The following TMEM108 variants were observed in gnomAD, a reference collection of about 807,000 sequenced individuals.
TMEM108 encodes the protein cancer/testis antigen 124.
In TMEM108, 12 loss-of-function variants were observed where a neutral mutation model predicts 35.1. That is an observed-to-expected ratio of 0.34 (90% confidence interval 0.22 to 0.55). The LOEUF is 0.55. TMEM108 is among the 20% of genes least tolerant of loss of function. The probability of loss-of-function intolerance (pLI) is 0.89; values close to 1 mark genes in which losing one functional copy is unlikely to be tolerated. For synonymous variants in TMEM108, 287 were observed against 308.6 expected (o/e 0.93, Z 0.73); for missense variants, 680 against 753.3 (o/e 0.90, Z 1.14).
At chr3:133,350,943 G>C (rs2071978114) in intron 3 of TMEM108, among the ~76,000 whole-genome samples, 1 of 152,154 alleles carries the variant, frequency 6.6e-6, no homozygotes, top group South Asian at 2.1e-4. Flanking sequence ...ATATGACATT[G>C]ACATCCAGGA....
At chr3:133,090,447 C>T (rs1451069631) in intron 2 of TMEM108, among the ~76,000 whole-genome samples, 1 of 152,238 alleles carries the variant, frequency 6.6e-6, no homozygotes, top group Non-Finnish European at 1.5e-5. Context: ...GGGCGTGAGG[C>T]CCTTGTATCT....
intron 2 of TMEM108, among the ~76,000 whole-genome samples, chr3:133,059,229 T>C (rs1409290937): frequency 6.6e-6 from 1 of 152,254 alleles, no homozygotes; most frequent in Non-Finnish European, 1.5e-5. Context: ...TTTCAACATA[T>C]GAATTTTGGG....
intron 2 of TMEM108, among the ~76,000 whole-genome samples, chr3:133,109,252 G>C (rs1304451359): frequency 1.3e-5 from 2 of 152,028 alleles, no homozygotes; most frequent in Non-Finnish European, 2.9e-5. Flanking sequence ...AATGAGGAAG[G>C]GTTGCAATAG....
chr3:133,366,758 G>A (rs77332481), intron 3 of TMEM108, among the ~76,000 whole-genome samples: 153 of 152,282 alleles, frequency 1.0e-3, no homozygotes, highest in Middle Eastern at 3.4e-3. Context: ...GTTAAGATTT[G>A]TCCTTTTCTA....
At chr3:133,265,660 G>T (rs748165344) in intron 3 of TMEM108, among the ~76,000 whole-genome samples, 3 of 152,170 alleles carry the variant, frequency 2.0e-5, no homozygotes, top group Non-Finnish European at 4.4e-5. Flanking sequence ...GGTGTCTGCT[G>T]TTGGGCTTTT....
At chr3:133,149,660 C>T (rs1173345909) in intron 2 of TMEM108, among the ~76,000 whole-genome samples, 1 of 152,042 alleles carries the variant, frequency 6.6e-6, no homozygotes, top group Non-Finnish European at 1.5e-5. Context: ...TATGTTTCAG[C>T]GAATGGCAGA....
intron 2 of TMEM108, among the ~76,000 whole-genome samples, chr3:133,167,453 G>A (rs1945058476): frequency 6.6e-6 from 1 of 152,278 alleles, no homozygotes; most frequent in Non-Finnish European, 1.5e-5. Context: ...AGGGGGTGGT[G>A]CCCGTCAGGG....
chr3:133,154,576 C>T (rs1944849848), intron 2 of TMEM108, among the ~76,000 whole-genome samples: 1 of 152,056 alleles, frequency 6.6e-6, no homozygotes. Flanking sequence ...ATGGATGAAG[C>T]TGGAAACCAT....
At chr3:133,237,670 C>T (rs1472719761) in intron 3 of TMEM108, among the ~76,000 whole-genome samples, 1 of 152,048 alleles carries the variant, frequency 6.6e-6, no homozygotes, top group Non-Finnish European at 1.5e-5. Flanking sequence ...TGTACTTCAA[C>T]CAAAATAACA....
At chr3:133,063,382 A>G (rs73003661) in intron 2 of TMEM108, among the ~76,000 whole-genome samples, 3,523 of 152,248 alleles carry the variant, frequency 0.023, 111 homozygotes, top group African/African-American at 0.072. Context: ...AAGGAGGGAC[A>G]GTGGTATAGA....
intron 3 of TMEM108, among the ~76,000 whole-genome samples, chr3:133,290,972 G>T (rs1280253036): frequency 6.6e-6 from 1 of 152,156 alleles, no homozygotes; most frequent in South Asian, 2.1e-4. Flanking sequence ...AAAATGGTGA[G>T]ATGTTTTAAA....
rs186758067 is a variant in TMEM108, at chr3:133,091,105, G to A, written c.-47+45085G>A. The stretch of plus-strand genomic sequence containing the variant: ...GTAATTCCTGTAGAAGTACATGAGA[G>A]TATCTATTTCAATGTAGTCTACTGA... On this transcript the variant is annotated intron_variant, in intron 2 of 5. Coordinates refer to ENST00000321871, the MANE Select transcript of TMEM108 (RefSeq NM_023943.4). Among the ~76,000 whole-genome samples, 933 of 152,206 alleles carry A rather than the reference G, an allele frequency of 6.1e-3. 5 individuals are homozygous for A. The highest frequency in any genetic ancestry group is 8.4e-3 in the Non-Finnish European group (570 of 67,986).
chr3:133,375,352 C>A (rs1325557611), intron 3 of TMEM108, among the ~76,000 whole-genome samples: 3 of 152,202 alleles, frequency 2.0e-5, no homozygotes, highest in African/African-American at 7.2e-5. Context: ...GATTCCACCC[C>A]ACAACAATTG....
intron 3 of TMEM108, among the ~76,000 whole-genome samples, chr3:133,308,479 A>G (rs1576446733): frequency 1.3e-5 from 2 of 152,142 alleles, no homozygotes; most frequent in Non-Finnish European, 2.9e-5. Flanking sequence ...CCCATTCAGT[A>G]TGATATTCGC....
chr3:133,197,517 G>A (rs1336362662), intron 2 of TMEM108, among the ~76,000 whole-genome samples: 1 of 152,166 alleles, frequency 6.6e-6, no homozygotes, highest in African/African-American at 2.4e-5. Flanking sequence ...AGTATGGAAG[G>A]TAGGAGGATT....
At chr3:133,289,914 T>C (rs1212022873) in intron 3 of TMEM108, among the ~76,000 whole-genome samples, 1 of 152,158 alleles carries the variant, frequency 6.6e-6, no homozygotes, top group African/African-American at 2.4e-5. Flanking sequence ...CTCACCCCCC[T>C]CATTAGAAGC....
chr3:133,279,215 G>A (rs1435917211), intron 3 of TMEM108, among the ~76,000 whole-genome samples: 3 of 152,162 alleles, frequency 2.0e-5, no homozygotes, highest in Non-Finnish European at 2.9e-5. Flanking sequence ...GTGCATGGAC[G>A]AAATCCTCTG....
At chr3:133,210,386 C>T (rs1945818531) in intron 2 of TMEM108, among the ~76,000 whole-genome samples, 1 of 152,186 alleles carries the variant, frequency 6.6e-6, no homozygotes, top group South Asian at 2.1e-4. Context: ...GCATTAAGAA[C>T]TGCTAGATTA....
intron 2 of TMEM108, among the ~76,000 whole-genome samples, chr3:133,096,641 G>A (rs537625207): frequency 6.6e-6 from 1 of 152,110 alleles, no homozygotes; most frequent in Non-Finnish European, 1.5e-5. Flanking sequence ...CCTATAATAT[G>A]TATTAAAATA....
Sources: allele counts gnomAD v4.1 joint callset (sites outside exome capture counted in the v4.1 genomes callset), GRCh38; gene constraint gnomAD v4.1.1; transcripts MANE v1.5; gene names NCBI Gene and HGNC (gene_info 2026-07-23, HGNC 2026-07-21).